The following FAT3 variants were observed in gnomAD, a reference collection of about 807,000 sequenced individuals.
FAT3 encodes the protein FAT atypical cadherin 3.
In FAT3, 95 loss-of-function variants were observed where a neutral mutation model predicts 310.2. The ratio of observed to expected loss-of-function variants is 0.31; its 90% CI spans 0.26 to 0.36. FAT3 has a LOEUF of 0.36. FAT3 is among the 10% of genes least tolerant of loss of function. The pLI is 1.00. For missense variants in FAT3, 5,408 were observed against 5,715.6 expected, an observed-to-expected ratio of 0.95 and a Z score of 1.74; for synonymous variants, 2,314 against 2,192.9, an observed-to-expected ratio of 1.06 and a Z score of -1.54.
chr11:92,791,336 A>G (rs1947035473), intron 8 of FAT3, among the ~76,000 whole-genome samples: 2 of 152,208 alleles, frequency 1.3e-5, no homozygotes, highest in Admixed American at 6.5e-5. Context: ...CTAGATTTCA[A>G]CAATCCCCAA....
At chr11:92,289,948 C>A (rs1946650721) in intron 1 of FAT3, among the ~76,000 whole-genome samples, 1 of 152,090 alleles carries the variant, frequency 6.6e-6, no homozygotes, top group Non-Finnish European at 1.5e-5. Context: ...CAGAATCTGA[C>A]CCTTTGTTTT....
chr11:92,512,985 G>A (rs1294339758), intron 2 of FAT3, among the ~76,000 whole-genome samples: 1 of 99,680 alleles, frequency 1.0e-5, no homozygotes, highest in Admixed American at 1.1e-4. Flanking sequence ...AGCCGGGCGT[G>A]GTAGCGGGCG....
At chr11:92,382,830 T>G (rs1194609110) in intron 2 of FAT3, among the ~76,000 whole-genome samples, 2 of 152,224 alleles carry the variant, frequency 1.3e-5, no homozygotes, top group African/African-American at 4.8e-5. Flanking sequence ...AATTTTTATT[T>G]TCTTCAAATT....
intron 2 of FAT3, among the ~76,000 whole-genome samples, chr11:92,435,845 G>C (rs1279047701): frequency 6.6e-6 from 1 of 152,052 alleles, no homozygotes; most frequent in Non-Finnish European, 1.5e-5. Context: ...GGGATTTCAG[G>C]TGTGAGCCAC....
rs397770261 is a variant in FAT3, at chr11:92,598,230, A to ATT, written c.3607+73295_3607+73296dup. Among the ~76,000 whole-genome samples, 709 of 134,414 alleles carry ATT rather than the reference A, an allele frequency of 5.3e-3. 10 individuals carry two copies. Among genetic ancestry groups the ATT allele is most frequent in the African/African-American group, 0.019 (663 of 34,786 alleles). The allele number at this position is 134,414 out of a possible 152,430, so 88.2% of individuals were successfully genotyped here. A position where few individuals can be genotyped will look rare whatever the true frequency, so the allele number is the denominator to read the frequency against. On this transcript the variant is annotated intron_variant, in intron 3 of 27. Coordinates refer to ENST00000525166, the MANE Select transcript of FAT3 (RefSeq NM_001367949.2). ...TATATGTATACATATATATATATAT[A>ATT]TTTTTTTTTTTTTTGAGACAAAGTC...
At chr11:92,755,412 C>T (rs190034952) in intron 4 of FAT3, among the ~76,000 whole-genome samples, 1 of 152,004 alleles carries the variant, frequency 6.6e-6, no homozygotes, top group Non-Finnish European at 1.5e-5. Flanking sequence ...TTAGTAGAGA[C>T]AGGGTCTCAC....
chr11:92,889,300 A>T, intron 26 of FAT3, 52 bp downstream of exon 26: 2 of 673,642 alleles, frequency 3.0e-6, no homozygotes, highest in Admixed American at 4.3e-5. Context: ...CTTCCTTGTT[A>T]CTTTGGACTA....
At chr11:92,871,346 G>A (rs905928177) in intron 22 of FAT3, among the ~76,000 whole-genome samples, 6 of 152,082 alleles carry the variant, frequency 3.9e-5, no homozygotes, top group Non-Finnish European at 7.4e-5. Flanking sequence ...AGTGTTCCAG[G>A]GACCAACAGC....
chr11:92,365,377 G>C (rs1948992952), intron 2 of FAT3, among the ~76,000 whole-genome samples: 1 of 152,186 alleles, frequency 6.6e-6, no homozygotes, highest in Non-Finnish European at 1.5e-5. Context: ...TTACCTTCAA[G>C]ATGTGTAAAA....
Position 92,543,671 on chromosome 11 carries a change from T to C in FAT3, c.3607+18723T>C, listed in dbSNP as rs535554962. Among the ~76,000 whole-genome samples the C allele has an allele frequency of 1.2e-4, 19 of 152,318 alleles. No homozygotes were observed. The South Asian group carries it at 3.9e-3, about 32-fold the overall frequency. Reference sequence around the variant, plus strand: ...AGTGCACATAGTGCACTGTATGCCTTATGGGTTTGATCTGTAACATGAACT... The same window carrying C: ...AGTGCACATAGTGCACTGTATGCCTCATGGGTTTGATCTGTAACATGAACT... On this transcript the variant is annotated intron_variant, in intron 3 of 27. Coordinates refer to ENST00000525166, the MANE Select transcript of FAT3 (RefSeq NM_001367949.2).
At chr11:92,649,549 G>C (rs1398391796) in intron 3 of FAT3, among the ~76,000 whole-genome samples, 1 of 152,056 alleles carries the variant, frequency 6.6e-6, no homozygotes, top group Non-Finnish European at 1.5e-5. Context: ...TCCCTGCTCT[G>C]GATGTCCATC....
At chr11:92,247,128 G>A (rs1035301765) in intron 1 of FAT3, among the ~76,000 whole-genome samples, 17 of 152,042 alleles carry the variant, frequency 1.1e-4, no homozygotes, top group African/African-American at 3.9e-4. Flanking sequence ...AATGACAAGG[G>A]TCTGGGGTGT....
At chr11:92,347,125 G>A (rs924092805) in intron 1 of FAT3, among the ~76,000 whole-genome samples, 1 of 152,164 alleles carries the variant, frequency 6.6e-6, no homozygotes, top group Admixed American at 6.5e-5. Context: ...GGGTTGTAAA[G>A]CTAGTAAATG....
rs747654065 is a variant in FAT3 at position 92,774,192 on chromosome 11, A to T, written c.4335+12A>T. 6.3e-7 allele frequency: 1 copy of T among 1,599,498 alleles called. No homozygotes were observed. Among genetic ancestry groups the T allele is most frequent in the Non-Finnish European group, 8.5e-7 (1 of 1,173,424 alleles). ...TTGCTGTTACTCAGGTGAGATGTTA[A>T]ATTACTGAATAGCAGGAATGCTGAA... On this transcript the variant is annotated intron_variant, in intron 7 of 27. Transcript: ENST00000525166.
At chr11:92,691,185 CA>C (rs1245979060) in intron 3 of FAT3, among the ~76,000 whole-genome samples, 2 of 152,086 alleles carry the variant, frequency 1.3e-5, no homozygotes, top group African/African-American at 4.8e-5. Context: ...TGAAAAGATG[CA>C]TTACGACTTT....
intron 3 of FAT3, among the ~76,000 whole-genome samples, chr11:92,640,113 A>G (rs1315257355): frequency 6.6e-6 from 1 of 151,996 alleles, no homozygotes; most frequent in African/African-American, 2.4e-5. Flanking sequence ...TTCTTTAAAT[A>G]TATTGGAACA....
chr11:92,811,880 C>A (rs1947682524), intron 13 of FAT3, among the ~76,000 whole-genome samples: 1 of 152,158 alleles, frequency 6.6e-6, no homozygotes, highest in Non-Finnish European at 1.5e-5. Flanking sequence ...TTGTAGATTT[C>A]TTTTAGCTTT....
At chr11:92,736,767 G>A (rs1022193501) in intron 4 of FAT3, among the ~76,000 whole-genome samples, 1 of 152,130 alleles carries the variant, frequency 6.6e-6, no homozygotes, top group African/African-American at 2.4e-5. Flanking sequence ...TAGTATCTGG[G>A]CAATAAAGTG....
At chr11:92,270,059 C>T (rs1946081353) in intron 1 of FAT3, among the ~76,000 whole-genome samples, 2 of 152,142 alleles carry the variant, frequency 1.3e-5, no homozygotes, top group Admixed American at 6.5e-5. Flanking sequence ...TCCATTAAGG[C>T]TCTCTTTCCA....
Sources: allele counts gnomAD v4.1 joint callset (sites outside exome capture counted in the v4.1 genomes callset), GRCh38; gene constraint gnomAD v4.1.1; transcripts MANE v1.5; gene names NCBI Gene and HGNC (gene_info 2026-07-23, HGNC 2026-07-21).